Variants in ADAM20 observed in about 807,000 individuals in gnomAD.
The protein encoded by ADAM20 is disintegrin and metalloproteinase domain-containing protein 20.
For synonymous variants in ADAM20, 305 were observed against 310.2 expected (o/e 0.98, Z 0.18); for missense variants, 871 against 883.2 (o/e 0.99, Z 0.18).
the ADAM20 span, among the ~76,000 whole-genome samples, chr14:70,543,039 T>C: frequency 6.6e-6 from 1 of 152,296 alleles, no homozygotes; most frequent in Admixed American, 6.5e-5. Context: ...CCTACTGTGA[T>C]TTCTTTTAAT....
chr14:70,574,623 G>C, the ADAM20 span, among the ~76,000 whole-genome samples: 90 of 151,742 alleles, frequency 5.9e-4, no homozygotes, highest in Non-Finnish European at 1.1e-3. Flanking sequence ...CTGGGGGACA[G>C]AGCGAGACTC....
the ADAM20 span, among the ~76,000 whole-genome samples, chr14:70,567,489 T>A: frequency 1.3e-5 from 2 of 152,056 alleles, no homozygotes; most frequent in Non-Finnish European, 2.9e-5. Context: ...GAGAGGGACA[T>A]CTCCCACCCA....
chr14:70,558,168 G>A, the ADAM20 span, among the ~76,000 whole-genome samples: 1 of 152,128 alleles, frequency 6.6e-6, no homozygotes, highest in Non-Finnish European at 1.5e-5. Flanking sequence ...AGAAATGGTA[G>A]AAGCAATCAA....
intron 1 of ADAM20, among the ~76,000 whole-genome samples, chr14:70,527,479 T>C (rs1883614714): frequency 6.6e-6 from 1 of 152,140 alleles, no homozygotes; most frequent in African/African-American, 2.4e-5. Context: ...CATACTCCCA[T>C]GGCTACCACC....
At chr14:70,570,929 T>C in the ADAM20 span, among the ~76,000 whole-genome samples, 2 of 152,222 alleles carry the variant, frequency 1.3e-5, no homozygotes, top group African/African-American at 4.8e-5. Context: ...GTGGGCTTTA[T>C]TTCTGGGAAA....
intron 1 of ADAM20, among the ~76,000 whole-genome samples, chr14:70,526,238 CGTT>C (rs745704292): frequency 1.3e-4 from 20 of 152,044 alleles, no homozygotes; most frequent in Non-Finnish European, 2.5e-4. Context: ...TTTGGAGACA[CGTT>C]GTTAACACAT....
At chr14:70,577,908 C>T in the ADAM20 span, among the ~76,000 whole-genome samples, 7 of 152,020 alleles carry the variant, frequency 4.6e-5, no homozygotes, top group Admixed American at 1.3e-4. Context: ...TAAATGTAAG[C>T]GCTTAAACTG....
chr14:70,543,891 C>A, the ADAM20 span, among the ~76,000 whole-genome samples: 389 of 152,300 alleles, frequency 2.6e-3, 3 homozygotes, highest in African/African-American at 8.9e-3. Flanking sequence ...CTTGGACAAG[C>A]ACTGCCATTT....
the ADAM20 span, among the ~76,000 whole-genome samples, chr14:70,564,722 AAGAGAT>A: frequency 6.6e-6 from 1 of 150,748 alleles, no homozygotes; most frequent in Non-Finnish European, 1.5e-5. Flanking sequence ...AATATCAACA[AAGAGAT>A]AGACGCAATT....
chr14:70,532,178 A>G (rs1008690510), intron 1 of ADAM20, among the ~76,000 whole-genome samples: 1 of 152,070 alleles, frequency 6.6e-6, no homozygotes, highest in Non-Finnish European at 1.5e-5. Flanking sequence ...GTAAACCCAG[A>G]CATGTATGAA....
In ADAM20 at chr14:70,522,744, C is replaced by G; in HGVS notation, c.2014G>C (p.Ala672Pro). Reference protein sequence around the residue: ...YCKDKGYGGSADSGPPPKNNM... With the variant: ...YCKDKGYGGSPDSGPPPKNNM... Reference sequence around the variant, plus strand: ...TTCTTAGGAGGTGGGCCACTATCAGCACTACCTCCATAGCCTTTGTCCTTG... The same window carrying G: ...TTCTTAGGAGGTGGGCCACTATCAGGACTACCTCCATAGCCTTTGTCCTTG... Residue 672 changes from alanine to proline, a missense_variant, in exon 2 of 2, where the codon GCT (alanine) becomes CCT (proline). Coordinates refer to ENST00000256389, the MANE Select transcript of ADAM20 (RefSeq NM_003814.5). 6.2e-7 allele frequency: 1 copy of G among 1,614,078 alleles called. No individual in the cohort carries two copies. The highest frequency in any genetic ancestry group is 8.5e-7 in the Non-Finnish European group (1 of 1,179,942).
At chr14:70,576,606 G>A in the ADAM20 span, among the ~76,000 whole-genome samples, 1 of 151,986 alleles carries the variant, frequency 6.6e-6, no homozygotes, top group Non-Finnish European at 1.5e-5. Context: ...AGAAACTCAA[G>A]ATCAACAGTG....
chr14:70,578,727 A>G, the ADAM20 span, among the ~76,000 whole-genome samples: 1 of 152,094 alleles, frequency 6.6e-6, no homozygotes, highest in East Asian at 1.9e-4. Context: ...GGAGGTACAC[A>G]TGGGGGTTTG....
At chr14:70,544,679 G>C in the ADAM20 span, among the ~76,000 whole-genome samples, 1 of 152,028 alleles carries the variant, frequency 6.6e-6, no homozygotes, top group Non-Finnish European at 1.5e-5. Flanking sequence ...TTTCAAAATA[G>C]CTAGAAATAT....
the ADAM20 span, among the ~76,000 whole-genome samples, chr14:70,560,721 ACT>A: frequency 4.0e-5 from 6 of 150,442 alleles, no homozygotes; most frequent in Non-Finnish European, 7.4e-5. Context: ...TTCCCCCTTC[ACT>A]CTCTCTCTCT....
At chr14:70,546,785 T>G in the ADAM20 span, among the ~76,000 whole-genome samples, 1 of 151,004 alleles carries the variant, frequency 6.6e-6, no homozygotes, top group Non-Finnish European at 1.5e-5. Context: ...CCCAAATTAG[T>G]AAAAGAAAAA....
chr14:70,570,608 ATAAT>A, the ADAM20 span, among the ~76,000 whole-genome samples: 1 of 152,136 alleles, frequency 6.6e-6, no homozygotes, highest in African/African-American at 2.4e-5. Flanking sequence ...AATGAGTTAG[ATAAT>A]TAAATCGGTA....
Position 70,524,667 on chromosome 14 carries a change from C to T in ADAM20, c.91G>A (p.Ala31Thr), listed in dbSNP as rs1361391168. The T allele has an allele frequency of 6.2e-7, 1 of 1,614,000 alleles. No individual in the cohort carries two copies. Among genetic ancestry groups the T allele is most frequent in the Non-Finnish European group, 8.5e-7 (1 of 1,179,950 alleles). Residue 31 changes from alanine (A) to threonine (T), a missense_variant, in exon 2 of 2, where the codon GCC becomes ACC. Transcript: ENST00000256389. ...GAAGTGAAATACTGGGAGGGCCTGG[C>T]CTGAGAGTGGCCAGAAATAGACAAA... ...MFLSISGHSQ[A>T]RPSQYFTSPE...
chr14:70,560,816 CTTG>C, the ADAM20 span, among the ~76,000 whole-genome samples: 1 of 152,186 alleles, frequency 6.6e-6, no homozygotes, highest in South Asian at 2.1e-4. Flanking sequence ...AGTCATGCTT[CTTG>C]TTAAGCCTTC....
Sources: allele counts gnomAD v4.1 joint callset (sites outside exome capture counted in the v4.1 genomes callset), GRCh38; gene constraint gnomAD v4.1.1; transcripts MANE v1.5; gene names NCBI Gene and HGNC (gene_info 2026-07-23, HGNC 2026-07-21).